MADD: variants seen among roughly 807,000 people sequenced by gnomAD.
MADD encodes the protein MAP kinase activating death domain, also known as MAP kinase-activating death domain protein.
In MADD, 109 loss-of-function variants were observed where a neutral mutation model predicts 176.7. The ratio of observed to expected loss-of-function variants is 0.62; its 90% confidence interval spans 0.53 to 0.72. MADD has a LOEUF of 0.72. Among genes scored for constraint, MADD ranks in the 30% least tolerant of loss-of-function variants. The pLI is 0.00. For synonymous variants in MADD, 771 were observed against 771.3 expected, an observed-to-expected ratio of 1.00 and a Z score of 0.01; for missense variants, 1,914 against 2,045.5, an observed-to-expected ratio of 0.94 and a Z score of 1.24.
chr11:47,289,774 T>C, intron 16 of MADD, 93 bp from the exon 18 acceptor site: 1 of 1,404,370 alleles, frequency 7.1e-7, no homozygotes, highest in African/African-American at 1.4e-5. Flanking sequence ...CTTTGTGTTT[T>C]ACCCCTGGAG....
intron 9 of MADD, 27 bp downstream of exon 9, chr11:47,282,643 T>G: frequency 6.2e-7 from 1 of 1,610,088 alleles, no homozygotes; most frequent in African/African-American, 1.3e-5. Context: ...TCTGCTCCGC[T>G]CTGCCTTGTG....
chr11:47,278,582 A>G (rs553099092), intron 6 of MADD, among the ~76,000 whole-genome samples: 1 of 152,288 alleles, frequency 6.6e-6, no homozygotes, highest in African/African-American at 2.4e-5. Flanking sequence ...GGTATAGATC[A>G]TCTCTTAATG....
chr11:47,299,683 C>T (rs928515731), intron 22 of MADD, among the ~76,000 whole-genome samples: 3 of 121,532 alleles, frequency 2.5e-5, no homozygotes, highest in African/African-American at 9.6e-5. Context: ...GCATGCACCA[C>T]CGTGCCCAGC....
intron 13 of MADD, 28 bp from the exon 14 acceptor site, chr11:47,285,423 G>A: frequency 6.2e-7 from 1 of 1,613,572 alleles, no homozygotes. Flanking sequence ...CCCTGCCTGG[G>A]GATCATAGGT....
intron 12 of MADD, 120 bp from the exon 13 acceptor site, chr11:47,284,821 T>C (rs1424376200): frequency 7.0e-7 from 1 of 1,420,104 alleles, no homozygotes; most frequent in Admixed American, 1.9e-5. Flanking sequence ...ACAGAGATCA[T>C]TTCCCACACA....
chr11:47,303,431 G>A (rs2140231927), intron 22 of MADD, among the ~76,000 whole-genome samples: 1 of 151,850 alleles, frequency 6.6e-6, no homozygotes, highest in African/African-American at 2.4e-5. Context: ...GTAGAGACGG[G>A]GTTTCACCAT....
intron 31 of MADD, chr11:47,327,635 T>C: frequency 1.0e-6 from 1 of 985,402 alleles, no homozygotes; most frequent in South Asian, 4.7e-5. Flanking sequence ...GTGTGTTCCC[T>C]TCTCTCTTCT....
chr11:47,322,100 A>G (rs2094554320), intron 27 of MADD, among the ~76,000 whole-genome samples: 1 of 152,120 alleles, frequency 6.6e-6, no homozygotes, highest in African/African-American at 2.4e-5. Context: ...TAAATACTTT[A>G]TGCACATTAA....
intron 29 of MADD, 21 bp downstream of exon 32, chr11:47,324,358 G>C (rs754468222): frequency 1.2e-5 from 19 of 1,613,804 alleles, no homozygotes; most frequent in Non-Finnish European, 1.6e-5. Flanking sequence ...TTTTTCCTGA[G>C]AGTGTCTTCC....
At position 47,319,098 on chromosome 11, in the gene MADD, A is replaced by C. The variant is rs7120957; in HGVS notation, c.4197+3771A>C. 1.4e-5 allele frequency among the ~76,000 whole-genome samples: 2 copies of C among 146,770 alleles called. 1 individual carries two copies. Among genetic ancestry groups the C allele is most frequent in the Admixed American group, 1.4e-4 (2 of 14,696 alleles). ...GCTGGGATTACAGGTGTGAGCTGCC[A>C]CACCTGGCCAAGGAAAATATATATA... On this transcript the variant is annotated intron_variant, in intron 27 of 32. Coordinates refer to ENST00000402192, the Ensembl canonical transcript of MADD.
intron 22 of MADD, among the ~76,000 whole-genome samples, chr11:47,302,098 C>G (rs1004513919): frequency 5.3e-5 from 8 of 152,088 alleles, no homozygotes; most frequent in African/African-American, 1.9e-4. Flanking sequence ...TGTATCTCTC[C>G]CTTTAGATCT....
chr11:47,295,875 T>C, intron 21 of MADD, 22 bp from the exon 24 acceptor site: 1 of 1,605,674 alleles, frequency 6.2e-7, no homozygotes, highest in South Asian at 1.1e-5. Flanking sequence ...GACTGTCTCT[T>C]ACTACCTTTT....
chr11:47,303,995 T>C (rs888515082), intron 22 of MADD, among the ~76,000 whole-genome samples: 7 of 152,130 alleles, frequency 4.6e-5, no homozygotes, highest in Non-Finnish European at 1.0e-4. Context: ...ACTTGGGAAG[T>C]TTTCAGCTAT....
Position 47,290,309 on chromosome 11 carries a change from G to A in MADD, c.3094+10G>A, listed in dbSNP as rs915995137. On this transcript the variant is annotated intron_variant, in intron 18 of 32. Transcript: ENST00000402192. ...CACTACTATAGTAAAGGTAGGGATCGTACTTGCTGGGCACCACGCCATCCC... is the reference window on the plus strand; with the variant it reads ...CACTACTATAGTAAAGGTAGGGATCATACTTGCTGGGCACCACGCCATCCC... 1.6e-5 allele frequency: 25 copies of A among 1,611,974 alleles called. No individual in the cohort carries two copies. The highest frequency in any genetic ancestry group is 4.0e-5 in the African/African-American group (3 of 74,964).
chr11:47,311,432 G>C (rs1179234875), intron 25 of MADD, among the ~76,000 whole-genome samples: 1 of 152,222 alleles, frequency 6.6e-6, no homozygotes, highest in African/African-American at 2.4e-5. Context: ...TGTTTTTAGA[G>C]CCCTTGTAGG....
chr11:47,275,162 A>G lies in MADD; in HGVS notation c.659+3A>G. The G allele has an allele frequency of 1.9e-6, 3 of 1,608,350 alleles. No individual in the cohort carries two copies. Among genetic ancestry groups the G allele is most frequent in the Non-Finnish European group, 2.5e-6 (3 of 1,177,330 alleles). On this transcript the variant is annotated splice_donor_region_variant and intron_variant, in intron 3 of 32. Coordinates refer to ENST00000402192, the Ensembl canonical transcript of MADD. ...GGCATCCCTCGAGGCGTACAAAGGT[A>G]CAGTTTGCTGCTGATGCCTAATGGG...
At chr11:47,296,842 A>C (rs1470483076) in intron 22 of MADD, among the ~76,000 whole-genome samples, 5 of 150,174 alleles carry the variant, frequency 3.3e-5, no homozygotes, top group African/African-American at 1.2e-4. Context: ...TCACTGCTCA[A>C]CTGCTCACTG....
intron 22 of MADD, among the ~76,000 whole-genome samples, chr11:47,303,429 G>A (rs1027485845): frequency 2.6e-5 from 4 of 151,710 alleles, no homozygotes; most frequent in Non-Finnish European, 4.4e-5. Context: ...TAGTAGAGAC[G>A]GGGTTTCACC....
intron 15 of MADD, among the ~76,000 whole-genome samples, 175 bp from the exon 16 acceptor site, chr11:47,288,793 C>T (rs936066155): frequency 2.6e-5 from 4 of 152,160 alleles, no homozygotes; most frequent in African/African-American, 7.2e-5. Context: ...TTTCTTAGAG[C>T]CTTGGTTGTC....
Sources: allele counts gnomAD v4.1 joint callset (sites outside exome capture counted in the v4.1 genomes callset), GRCh38; gene constraint gnomAD v4.1.1; transcripts MANE v1.5; gene names NCBI Gene and HGNC (gene_info 2026-07-23, HGNC 2026-07-21).